SPRTN: variants seen among roughly 807,000 people sequenced by gnomAD.
SPRTN encodes SprT-like N-terminal domain.
In SPRTN, 11 loss-of-function variants were observed where a neutral mutation model predicts 31.9. That is an observed-to-expected ratio of 0.34 (90% CI 0.22 to 0.57). The LOEUF (loss-of-function observed/expected upper bound fraction) is 0.57. Among genes scored for constraint, SPRTN ranks in the 20% least tolerant of loss-of-function variants. The pLI is 0.86. For synonymous variants in SPRTN, 185 were observed against 212.1 expected, an observed-to-expected ratio of 0.87 and a Z score of 1.11; for missense variants, 482 against 590.1, an observed-to-expected ratio of 0.82 and a Z score of 1.90.
chr1:231,339,160 G>C (rs1473387113), intron 1 of SPRTN, among the ~76,000 whole-genome samples: 1 of 152,178 alleles, frequency 6.6e-6, no homozygotes, highest in Non-Finnish European at 1.5e-5. Flanking sequence ...ACAGGGTTAA[G>C]TTTAAGATAC....
rs772408336 is a variant in SPRTN at position 231,338,591 on chromosome 1, G to T, written c.208G>T (p.Val70Leu). The part of the protein sequence containing the change: ...QLEAVEVKWS[V>L]RMTLCAGICS... ...GGAGGCCGTCGAGGTGAAGTGGAGCGTGCGAATGACCCTGTGAGTTCCGAG... is the reference window on the plus strand; with the variant it reads ...GGAGGCCGTCGAGGTGAAGTGGAGCTTGCGAATGACCCTGTGAGTTCCGAG... Residue 70 changes from valine (V) to leucine (L), a missense_variant, in exon 1 of 5, where the codon GTG (valine) becomes TTG (leucine). By Grantham distance (32) the Val-to-Leu change is conservative. Around this residue, in one of 2 missense-constraint regions of SPRTN, gnomAD observed 157 missense variants for 239.9 expected, o/e 0.65. Coordinates refer to ENST00000295050, the MANE Select transcript of SPRTN (RefSeq NM_032018.7). 1.2e-6 allele frequency: 2 copies of T among 1,614,098 alleles called. No homozygotes were observed. Among genetic ancestry groups the T allele is most frequent in the African/African-American group, 1.3e-5 (1 of 74,936 alleles).
At chr1:231,348,772 T>A (rs1029542411) in intron 3 of SPRTN, among the ~76,000 whole-genome samples, 1 of 151,732 alleles carries the variant, frequency 6.6e-6, no homozygotes, top group African/African-American at 2.4e-5. Context: ...GCTATTACAA[T>A]TTTTTATGCT....
At chr1:231,346,667 G>T (rs1687072684) in intron 2 of SPRTN, among the ~76,000 whole-genome samples, 2 of 152,092 alleles carry the variant, frequency 1.3e-5, no homozygotes, top group Admixed American at 1.3e-4. Context: ...TTTTGTCTGG[G>T]TGCAGTGGCT....
intron 3 of SPRTN, among the ~76,000 whole-genome samples, chr1:231,350,125 TCCTTCAGTC>T (rs1687181544): frequency 6.6e-6 from 1 of 152,230 alleles, no homozygotes; most frequent in African/African-American, 2.4e-5. Flanking sequence ...AAAACCTATG[TCCTTCAGTC>T]CCTTCTGCAT....
intron 3 of SPRTN, among the ~76,000 whole-genome samples, chr1:231,350,033 A>T (rs1687177876): frequency 6.6e-6 from 1 of 152,034 alleles, no homozygotes; most frequent in Non-Finnish European, 1.5e-5. Context: ...AACAAAACAG[A>T]TCCATTTGTC....
intron 2 of SPRTN, among the ~76,000 whole-genome samples, chr1:231,342,812 G>T (rs1376245307): frequency 2.0e-5 from 3 of 151,226 alleles, no homozygotes; most frequent in African/African-American, 7.3e-5. Flanking sequence ...TCCACTCACT[G>T]CAAGCTCCGC....
intron 1 of SPRTN, 123 bp from the exon 2 acceptor site, chr1:231,339,646 C>A: frequency 9.9e-7 from 1 of 1,009,344 alleles, no homozygotes; most frequent in South Asian, 1.3e-5. Flanking sequence ...ATCTGCTAAC[C>A]AAGGGGGGTA....
Position 231,352,791 on chromosome 1 carries a change from C to G in SPRTN, c.900C>G (p.Ile300Met). ...SANAVRPNSK[I>M]KVKFEQNGSS... Reference sequence around the variant, plus strand: ...ATGCTGTAAGACCTAATTCTAAAATCAAGGTGAAATTTGAACAGAATGGTT... The same window carrying G: ...ATGCTGTAAGACCTAATTCTAAAATGAAGGTGAAATTTGAACAGAATGGTT... Residue 300 changes from isoleucine (I) to methionine (M), a missense_variant, in exon 5 of 5, where the codon ATC becomes ATG. Transcript: ENST00000295050. 6.2e-7 allele frequency: 1 copy of G among 1,613,692 alleles called. No individual in the cohort carries two copies. The highest frequency in any genetic ancestry group is 8.5e-7 in the Non-Finnish European group (1 of 1,179,878).
chr1:231,340,085 G>C, intron 2 of SPRTN: 1 of 405,474 alleles, frequency 2.5e-6, no homozygotes, highest in South Asian at 2.7e-5. Context: ...TCTAGGGGCC[G>C]GGCACGCTGG....
At chr1:231,348,946 A>G (rs1046405415) in intron 3 of SPRTN, among the ~76,000 whole-genome samples, 1 of 152,132 alleles carries the variant, frequency 6.6e-6, no homozygotes, top group Non-Finnish European at 1.5e-5. Context: ...TGTGATAGAA[A>G]ATGAACAGTG....
chr1:231,351,246 T>C, intron 3 of SPRTN, 58 bp from the exon 4 acceptor site: 5 of 1,361,662 alleles, frequency 3.7e-6, no homozygotes, highest in Non-Finnish European at 3.8e-6. Flanking sequence ...TTATGTAAAT[T>C]GTTTTCTTGC....
chr1:231,341,606 A>C (rs756215191), intron 2 of SPRTN, among the ~76,000 whole-genome samples: 1 of 152,238 alleles, frequency 6.6e-6, no homozygotes, highest in Non-Finnish European at 1.5e-5. Context: ...ATAATAAAAT[A>C]ATCTATTAAG....
In SPRTN at chr1:231,353,693, A is replaced by G. The variant is rs1189740291; in HGVS notation, c.*332A>G. On this transcript the variant is annotated 3_prime_UTR_variant, in exon 5 of 5. Coordinates refer to ENST00000295050, the MANE Select transcript of SPRTN (RefSeq NM_032018.7). ...TTTGTATACTTTCCTAAAAATATTC[A>G]TATGGGGAATCCTGTCAGGTGTTTG... 1 of 998,218 alleles carries G rather than the reference A, an allele frequency of 1.0e-6. No individual in the cohort carries two copies. Among genetic ancestry groups the G allele is most frequent in the Non-Finnish European group, 1.2e-6 (1 of 833,484 alleles). 61.8% of individuals were successfully genotyped at this position (998,218 alleles called of 1,614,324 possible). A position where few individuals can be genotyped will look rare whatever the true frequency, so the allele number is the denominator to read the frequency against.
At chr1:231,339,895 A>G (rs1227986504) in intron 2 of SPRTN, 27 bp downstream of exon 2, 1 of 1,603,556 alleles carries the variant, frequency 6.2e-7, no homozygotes, top group Admixed American at 1.7e-5. Context: ...CTTGCTTCCT[A>G]GCGCAGTAAT....
chr1:231,340,026 G>A, intron 2 of SPRTN, 158 bp downstream of exon 2: 1 of 446,746 alleles, frequency 2.2e-6, no homozygotes, highest in Non-Finnish European at 4.0e-6. Flanking sequence ...AACACCTTAT[G>A]TTTTTTATAG....
intron 2 of SPRTN, among the ~76,000 whole-genome samples, chr1:231,345,461 TCTCCAAA>T (rs1190549688): frequency 6.6e-6 from 1 of 152,226 alleles, no homozygotes; most frequent in Non-Finnish European, 1.5e-5. Flanking sequence ...TCTATAGCTT[TCTCCAAA>T]CCATTTCATG....
chr1:231,341,267 A>G (rs1275467809), intron 2 of SPRTN, among the ~76,000 whole-genome samples: 2 of 152,078 alleles, frequency 1.3e-5, no homozygotes, highest in African/African-American at 2.4e-5. Flanking sequence ...ACTTAAAAGC[A>G]GAAAACTATT....
intron 2 of SPRTN, among the ~76,000 whole-genome samples, chr1:231,343,139 T>C (rs373860124): frequency 6.6e-6 from 1 of 152,188 alleles, no homozygotes; most frequent in African/African-American, 2.4e-5. Flanking sequence ...AGTAACATCC[T>C]GTGCAGGTTC....
intron 4 of SPRTN, chr1:231,352,372 G>A (rs574381074): frequency 8.4e-7 from 1 of 1,190,014 alleles, no homozygotes; most frequent in Admixed American, 4.0e-5. Flanking sequence ...TCTTTGGCAT[G>A]ATAAGATTCT....
Sources: gnomAD v4.1 joint callset for allele counts (sites outside exome capture counted in the v4.1 genomes callset) on GRCh38, gnomAD v4.1.1 for gene constraint, gnomAD v4.1.1 regional missense constraint, MANE v1.5 for transcripts, NCBI Gene and HGNC (gene_info 2026-07-23, HGNC 2026-07-21) for gene names.